Variants in CACNB2 observed in about 807,000 individuals in gnomAD.
The protein encoded by CACNB2 is calcium voltage-gated channel auxiliary subunit beta 2.
In CACNB2, 42 loss-of-function variants were observed where a neutral mutation model predicts 73.3. The ratio of observed to expected loss-of-function variants is 0.57; its 90% CI spans 0.45 to 0.74. The LOEUF is 0.74. Among genes scored for constraint, CACNB2 ranks in the 30% least tolerant of loss-of-function variants. The pLI, the probability that CACNB2 is intolerant of heterozygous loss-of-function variation, is 0.00. For synonymous variants in CACNB2, 348 were observed against 310.3 expected (o/e 1.12, Z -1.28); for missense variants, 940 against 853.0 (o/e 1.10, Z -1.27).
intron 9 of CACNB2, among the ~76,000 whole-genome samples, chr10:18,520,624 T>C (rs1383932671): frequency 1.3e-5 from 2 of 152,214 alleles, no homozygotes; most frequent in Admixed American, 6.5e-5. Flanking sequence ...AGTCCTACAG[T>C]GGCCTACATG....
chr10:18,261,381 G>T, intron 2 of CACNB2: 2 of 1,550,858 alleles, frequency 1.3e-6, no homozygotes, highest in Non-Finnish European at 8.7e-7. Context: ...TCTGTCTGGT[G>T]CATGTTGCCT....
intron 12 of CACNB2, among the ~76,000 whole-genome samples, chr10:18,536,773 G>C (rs2053648173): frequency 6.6e-6 from 1 of 152,150 alleles, no homozygotes; most frequent in Admixed American, 6.6e-5. Context: ...TCCAACACAA[G>C]ATCCTGGTTC....
intron 2 of CACNB2, among the ~76,000 whole-genome samples, chr10:18,228,943 C>T (rs1169242580): frequency 6.6e-6 from 1 of 151,980 alleles, no homozygotes; most frequent in Non-Finnish European, 1.5e-5. Context: ...GGTTTCACCA[C>T]GTGGGCCAAG....
At chr10:18,260,667 A>G (rs993797575) in intron 2 of CACNB2, 2 of 988,436 alleles carry the variant, frequency 2.0e-6, no homozygotes, top group Non-Finnish European at 2.4e-6. Flanking sequence ...CAAATCAGAT[A>G]TGCCCAAAAC....
chr10:18,367,874 T>G (rs2042420273), intron 2 of CACNB2, among the ~76,000 whole-genome samples: 1 of 152,210 alleles, frequency 6.6e-6, no homozygotes, highest in African/African-American at 2.4e-5. Context: ...TCTTATTGAA[T>G]TGTGATGTAA....
chr10:18,447,373 C>A (rs2046787839), intron 3 of CACNB2, among the ~76,000 whole-genome samples: 1 of 152,010 alleles, frequency 6.6e-6, no homozygotes, highest in African/African-American at 2.4e-5. Flanking sequence ...GGGTTATCAC[C>A]TAGGGGTGAT....
At chr10:18,417,011 C>A (rs2045008203) in intron 3 of CACNB2, among the ~76,000 whole-genome samples, 1 of 147,382 alleles carries the variant, frequency 6.8e-6, no homozygotes. Flanking sequence ...AAGACACAGG[C>A]TTATGAAAGC....
At chr10:18,147,122 C>T (rs1286881840) in intron 1 of CACNB2, among the ~76,000 whole-genome samples, 1 of 152,176 alleles carries the variant, frequency 6.6e-6, no homozygotes, top group Non-Finnish European at 1.5e-5. Context: ...TTCAATCATG[C>T]AGCAATTAGA....
At chr10:18,465,260 T>C (rs2047814592) in intron 3 of CACNB2, among the ~76,000 whole-genome samples, 1 of 152,008 alleles carries the variant, frequency 6.6e-6, no homozygotes, top group Admixed American at 6.6e-5. Flanking sequence ...AACCTGGGAG[T>C]GGGAGTTTGC....
Position 18,344,737 on chromosome 10 carries a change from G to A in CACNB2, c.214-57187G>A. Among the ~76,000 whole-genome samples, 2 of 151,980 alleles carry A rather than the reference G, an allele frequency of 1.3e-5. 1 individual carries two copies. The highest frequency in any genetic ancestry group is 3.9e-4 in the East Asian group (2 of 5,184). On this transcript the variant is annotated intron_variant, in intron 2 of 13. Transcript: ENST00000324631. ...TGGCTGGGGGCAGTGGCTCATGCCT[G>A]AACGACACCAGCCTGGGCAACAACT...
intron 3 of CACNB2, among the ~76,000 whole-genome samples, chr10:18,440,760 G>A (rs536901467): frequency 2.2e-4 from 33 of 152,240 alleles, no homozygotes; most frequent in African/African-American, 7.7e-4. Flanking sequence ...AACCATAAAG[G>A]CAAAGCTCTG....
chr10:18,183,292 A>T (rs768878982), intron 2 of CACNB2, among the ~76,000 whole-genome samples: 1 of 152,068 alleles, frequency 6.6e-6, no homozygotes, highest in South Asian at 2.1e-4. Context: ...CTGCCTCTGT[A>T]ACATTTGTTT....
chr10:18,328,835 T>C (rs1052829551), intron 2 of CACNB2, among the ~76,000 whole-genome samples: 2 of 152,216 alleles, frequency 1.3e-5, no homozygotes, highest in African/African-American at 4.8e-5. Flanking sequence ...TAGAACTGTA[T>C]ATGATTTCAC....
At chr10:18,438,048 C>T (rs112884804) in intron 3 of CACNB2, among the ~76,000 whole-genome samples, 6,876 of 107,068 alleles carry the variant, frequency 0.064, 251 homozygotes, top group Middle Eastern at 0.24. Context: ...GATGAAGTCT[C>T]GCTCTGTCAC....
intron 2 of CACNB2, among the ~76,000 whole-genome samples, chr10:18,170,899 A>C (rs1487054933): frequency 6.6e-6 from 1 of 152,234 alleles, no homozygotes; most frequent in East Asian, 1.9e-4. Flanking sequence ...TTAACATATT[A>C]AGATTTTCCA....
chr10:18,344,094 A>G (rs2041348776), intron 2 of CACNB2, among the ~76,000 whole-genome samples: 2 of 151,472 alleles, frequency 1.3e-5, no homozygotes, highest in Admixed American at 6.6e-5. Flanking sequence ...GAAAGTTAGC[A>G]TGTGACTGTG....
At chr10:18,346,898 G>T (rs1490723206) in intron 2 of CACNB2, among the ~76,000 whole-genome samples, 2 of 152,056 alleles carry the variant, frequency 1.3e-5, no homozygotes, top group African/African-American at 4.8e-5. Context: ...CACCTGGCCT[G>T]TTAGTGGCTT....
intron 9 of CACNB2, among the ~76,000 whole-genome samples, chr10:18,521,639 A>T (rs2051894279): frequency 6.6e-6 from 1 of 152,210 alleles, no homozygotes; most frequent in Non-Finnish European, 1.5e-5. Context: ...CTTAAAGTCT[A>T]TTGAAAGGCA....
intron 2 of CACNB2, among the ~76,000 whole-genome samples, chr10:18,188,870 G>A (rs1220431194): frequency 6.6e-6 from 1 of 152,162 alleles, no homozygotes; most frequent in African/African-American, 2.4e-5. Context: ...ATGCGTGTGT[G>A]TGGATCATAC....
Sources: gnomAD v4.1 joint callset for allele counts (sites outside exome capture counted in the v4.1 genomes callset) on GRCh38, gnomAD v4.1.1 for gene constraint, MANE v1.5 for transcripts, NCBI Gene and HGNC (gene_info 2026-07-23, HGNC 2026-07-21) for gene names.